NCAM2: variants seen among roughly 807,000 people sequenced by gnomAD.
NCAM2 encodes neural cell adhesion molecule 2, also known as N-CAM-2.
In NCAM2, 30 loss-of-function variants were observed where a neutral mutation model predicts 98.1. The observed-to-expected ratio is 0.31, with a 90% confidence interval of 0.23 to 0.41. The LOEUF is 0.41. NCAM2 is among the 10% of genes least tolerant of loss of function. The probability of loss-of-function intolerance (pLI) is 1.00; values close to 1 mark genes in which losing one functional copy is unlikely to be tolerated. For missense variants in NCAM2, 867 were observed against 1,005.8 expected, an observed-to-expected ratio of 0.86 and a Z score of 1.87; for synonymous variants, 368 against 342.4, an observed-to-expected ratio of 1.07 and a Z score of -0.83.
intron 6 of NCAM2, among the ~76,000 whole-genome samples, chr21:21,333,300 T>C (rs1027114069): frequency 1.3e-5 from 2 of 152,198 alleles, no homozygotes; most frequent in Non-Finnish European, 2.9e-5. Context: ...TCTAAATATG[T>C]TCAAGTTTTG....
chr21:21,090,215 T>A (rs139351146), intron 1 of NCAM2, among the ~76,000 whole-genome samples: 205 of 152,270 alleles, frequency 1.3e-3, no homozygotes, highest in African/African-American at 4.5e-3. Context: ...GCTTTTCTCT[T>A]ATCTATTGTT....
At chr21:21,511,314 T>C (rs1347710170) in intron 16 of NCAM2, among the ~76,000 whole-genome samples, 1 of 152,054 alleles carries the variant, frequency 6.6e-6, no homozygotes, top group African/African-American at 2.4e-5. Flanking sequence ...CTAACAATTA[T>C]TCTTTTCTCT....
intron 1 of NCAM2, among the ~76,000 whole-genome samples, chr21:21,147,742 A>G (rs1321469980): frequency 1.3e-5 from 2 of 148,668 alleles, no homozygotes; most frequent in Non-Finnish European, 1.5e-5. Context: ...GTAATATAAA[A>G]GCGTACATGT....
intron 6 of NCAM2, among the ~76,000 whole-genome samples, chr21:21,328,459 G>T (rs149484967): frequency 2.8e-4 from 43 of 152,148 alleles, no homozygotes; most frequent in Non-Finnish European, 5.0e-4. Context: ...GGAGATGCCA[G>T]CTCCATGCCT....
intron 12 of NCAM2, among the ~76,000 whole-genome samples, chr21:21,461,162 C>T (rs112913670): frequency 0.017 from 2,563 of 151,786 alleles, 26 homozygotes; most frequent in Non-Finnish European, 0.023. Flanking sequence ...CTTGAAAAAA[C>T]GTCAGTTGAA....
chr21:21,534,389 G>T, intron 16 of NCAM2, 148 bp from the exon 17 acceptor site: 2 of 572,200 alleles, frequency 3.5e-6, no homozygotes, highest in Non-Finnish European at 2.8e-6. Context: ...AATTTAAATG[G>T]TAAAGCATTT....
chr21:21,491,093 ATAAACT>A (rs2146307714), intron 15 of NCAM2, among the ~76,000 whole-genome samples: 1 of 151,922 alleles, frequency 6.6e-6, no homozygotes, highest in Admixed American at 6.6e-5. Context: ...GGAGCAGGTA[ATAAACT>A]TATACTCATT....
At chr21:21,454,099 A>AAT (rs928108019) in intron 12 of NCAM2, among the ~76,000 whole-genome samples, 27 of 152,038 alleles carry the variant, frequency 1.8e-4, no homozygotes, top group Middle Eastern at 3.4e-3. Context: ...CCCTTTTCTA[A>AAT]ATATATATAT....
rs879754060 is a variant in NCAM2, at chr21:21,542,322, TTTATA to T, written c.*4372_*4376del. 8.9e-4 allele frequency: 135 copies of T among 151,878 alleles called. No individual in the cohort carries two copies. Among genetic ancestry groups the T allele is most frequent in the African/African-American group, 1.6e-3 (65 of 41,536 alleles). 9.4% of individuals were successfully genotyped at this position (151,878 alleles called of 1,614,324 possible). On this transcript the variant is annotated 3_prime_UTR_variant, in exon 18 of 18. Transcript: ENST00000400546. ...ATCTTCTCATATAAAGGCAAAGAAT[TTTATA>T]TTATATATAATGCTAAATATTTATT... is the stretch of plus-strand genomic sequence containing the variant.
intron 6 of NCAM2, among the ~76,000 whole-genome samples, chr21:21,331,578 T>TATAG (rs1444969281): frequency 4.7e-4 from 1 of 2,150 alleles, no homozygotes; most frequent in Non-Finnish European, 4.5e-3. Flanking sequence ...CATATATATA[T>TATAG]AGAGAGAGAG....
chr21:21,006,298 G>A (rs533262959), intron 1 of NCAM2, among the ~76,000 whole-genome samples: 1 of 152,236 alleles, frequency 6.6e-6, no homozygotes, highest in African/African-American at 2.4e-5. Flanking sequence ...CTTGAGATCA[G>A]AAGTTTGAAA....
intron 16 of NCAM2, among the ~76,000 whole-genome samples, chr21:21,531,419 C>A (rs1178971997): frequency 6.6e-6 from 1 of 152,112 alleles, no homozygotes. Flanking sequence ...TCAGCTATTA[C>A]AAGTAACCTA....
intron 16 of NCAM2, among the ~76,000 whole-genome samples, chr21:21,515,834 A>G (rs1303796398): frequency 6.6e-6 from 1 of 152,146 alleles, no homozygotes; most frequent in African/African-American, 2.4e-5. Flanking sequence ...TAGGTGTTTG[A>G]AATCTTCTTA....
At chr21:21,078,578 A>C (rs112848777) in intron 1 of NCAM2, among the ~76,000 whole-genome samples, 5,652 of 152,304 alleles carry the variant, frequency 0.037, 328 homozygotes, top group African/African-American at 0.13. Flanking sequence ...ACGCTTTTAC[A>C]CTGTTGGTGG....
intron 1 of NCAM2, among the ~76,000 whole-genome samples, chr21:21,090,781 A>C (rs1159546771): frequency 1.3e-5 from 2 of 152,080 alleles, no homozygotes; most frequent in Non-Finnish European, 2.9e-5. Context: ...AATTGCTTCA[A>C]CCCTCTAGAC....
At chr21:21,517,756 G>T (rs1385673455) in intron 16 of NCAM2, among the ~76,000 whole-genome samples, 1 of 152,080 alleles carries the variant, frequency 6.6e-6, no homozygotes, top group Non-Finnish European at 1.5e-5. Flanking sequence ...TACTCGGGAG[G>T]CTGAGACAGG....
intron 12 of NCAM2, among the ~76,000 whole-genome samples, chr21:21,443,481 G>GA (rs1456592315): frequency 6.6e-6 from 1 of 151,724 alleles, no homozygotes; most frequent in Non-Finnish European, 1.5e-5. Context: ...CTGTGTTGTG[G>GA]AAAAATATAT....
chr21:21,189,616 A>G (rs995958189), intron 1 of NCAM2, among the ~76,000 whole-genome samples: 1 of 152,216 alleles, frequency 6.6e-6, no homozygotes, highest in Admixed American at 6.5e-5. Flanking sequence ...CAAGTTTTAG[A>G]AAGTACCATA....
intron 16 of NCAM2, among the ~76,000 whole-genome samples, chr21:21,513,885 A>C (rs1418404301): frequency 6.6e-6 from 1 of 152,050 alleles, no homozygotes; most frequent in African/African-American, 2.4e-5. Context: ...TGTTGGGTGC[A>C]TACATATTTA....
Sources: allele counts gnomAD v4.1 joint callset (sites outside exome capture counted in the v4.1 genomes callset), GRCh38; gene constraint gnomAD v4.1.1; transcripts MANE v1.5; gene names NCBI Gene and HGNC (gene_info 2026-07-23, HGNC 2026-07-21).